GSKIP: variants seen among roughly 807,000 people sequenced by gnomAD.
GSKIP encodes GSK3B interacting protein.
In GSKIP, 5 loss-of-function variants were observed where a neutral mutation model predicts 11.9. That is an observed-to-expected ratio of 0.42 (90% CI 0.22 to 0.89). The LOEUF is 0.89. Among genes scored for constraint, GSKIP ranks in the 40% least tolerant of loss-of-function variants. The pLI, the probability that GSKIP is intolerant of heterozygous loss-of-function variation, is 0.29. For missense variants in GSKIP, 150 were observed against 166.6 expected (o/e 0.90, Z 0.55); for synonymous variants, 70 against 62.9 (o/e 1.11, Z -0.54).
At chr14:96,380,858 G>A (rs965121699) in intron 2 of GSKIP, among the ~76,000 whole-genome samples, 4 of 152,196 alleles carry the variant, frequency 2.6e-5, no homozygotes, top group Non-Finnish European at 5.9e-5. Context: ...GGGCAACATG[G>A]TGAGACCTTG....
chr14:96,381,322 T>C (rs940874396), intron 2 of GSKIP, among the ~76,000 whole-genome samples: 3 of 152,306 alleles, frequency 2.0e-5, no homozygotes, highest in Non-Finnish European at 4.4e-5. Flanking sequence ...AACATTTGGG[T>C]CAGTTCAAAT....
chr14:96,381,622 A>G (rs1889345686), intron 2 of GSKIP, among the ~76,000 whole-genome samples: 1 of 152,224 alleles, frequency 6.6e-6, no homozygotes, highest in Admixed American at 6.5e-5. Context: ...TTGCAACTGT[A>G]TGATCTTAGA....
chr14:96,363,763 G>A (rs962709982), intron 1 of GSKIP, 195 bp downstream of exon 1: 1 of 152,320 alleles, frequency 6.6e-6, no homozygotes, highest in Non-Finnish European at 1.5e-5. Context: ...TGGCCGGCCT[G>A]GCTCTCCCGG....
intron 1 of GSKIP, among the ~76,000 whole-genome samples, chr14:96,372,550 A>C (rs1889076621): frequency 6.6e-6 from 1 of 152,258 alleles, no homozygotes; most frequent in Admixed American, 6.5e-5. Flanking sequence ...CATGGATCTC[A>C]TAAAACATAT....
chr14:96,374,923 CATATAAA>C (rs1889154998), intron 1 of GSKIP, among the ~76,000 whole-genome samples: 1 of 151,710 alleles, frequency 6.6e-6, no homozygotes, highest in Non-Finnish European at 1.5e-5. Context: ...TTATATATTA[CATATAAA>C]AAGACTTATC....
chr14:96,378,484 C>T (rs1309523710), intron 1 of GSKIP, among the ~76,000 whole-genome samples: 1 of 152,162 alleles, frequency 6.6e-6, no homozygotes, highest in Non-Finnish European at 1.5e-5. Flanking sequence ...CTTCCTGAAG[C>T]CTCTAGAAGG....
chr14:96,386,046 A>C lies in GSKIP; in HGVS notation c.*362A>C, dbSNP rs1169364015. Reference sequence around the variant, plus strand: ...GCACAGTAATAGAGGAATTAGAAGTACCTAACTATACACTTTGATTCAGCC... The same window carrying C: ...GCACAGTAATAGAGGAATTAGAAGTCCCTAACTATACACTTTGATTCAGCC... On this transcript the variant is annotated 3_prime_UTR_variant, in exon 4 of 4. Coordinates refer to ENST00000555181, the MANE Select transcript of GSKIP (RefSeq NM_016472.5). The C allele has an allele frequency of 6.3e-6, 1 of 159,854 alleles. No homozygotes were observed. The highest frequency in any genetic ancestry group is 1.8e-4 in the East Asian group (1 of 5,438). 9.9% of individuals were successfully genotyped at this position (159,854 alleles called of 1,614,324 possible). A position where few individuals can be genotyped will look rare whatever the true frequency, so the allele number is the denominator to read the frequency against.
chr14:96,384,171 T>G (rs1374503718), intron 3 of GSKIP, among the ~76,000 whole-genome samples: 1 of 152,218 alleles, frequency 6.6e-6, no homozygotes, highest in African/African-American at 2.4e-5. Context: ...TGTTTTTCAG[T>G]CTGATTCAGT....
intron 1 of GSKIP, chr14:96,364,967 C>G (rs1054242145): frequency 2.7e-5 from 4 of 149,134 alleles, no homozygotes; most frequent in African/African-American, 7.3e-5. Context: ...CACTGCACTC[C>G]AGCCTGAACC....
intron 1 of GSKIP, among the ~76,000 whole-genome samples, chr14:96,368,273 A>G (rs1445155697): frequency 6.7e-6 from 1 of 150,020 alleles, no homozygotes; most frequent in Non-Finnish European, 1.5e-5. Context: ...TCAACCTCCC[A>G]GGTTCAACCG....
At chr14:96,367,278 C>A (rs541634837) in intron 1 of GSKIP, among the ~76,000 whole-genome samples, 6 of 152,072 alleles carry the variant, frequency 3.9e-5, no homozygotes, top group South Asian at 2.1e-4. Flanking sequence ...ATTAAAACAT[C>A]TTTTTCCAAG....
At chr14:96,374,935 CTT>C (rs1382170541) in intron 1 of GSKIP, among the ~76,000 whole-genome samples, 4 of 151,702 alleles carry the variant, frequency 2.6e-5, no homozygotes, top group African/African-American at 9.7e-5. Context: ...TATAAAAAGA[CTT>C]ATCTAATCTC....
chr14:96,382,497 G>A lies in GSKIP; in HGVS notation c.250G>A (p.Gly84Arg). 1 of 1,609,102 alleles carries A rather than the reference G, an allele frequency of 6.2e-7. No homozygotes were observed. The highest frequency in any genetic ancestry group is 1.1e-5 in the South Asian group (1 of 90,510). The change falls in exon 3 of 4, where the codon GGG (glycine) becomes AGG (arginine). Residue 84 changes from glycine (G) to arginine (R), a missense_variant. Gly to Arg is a moderately radical substitution (Grantham distance 125, BLOSUM62 -2). Coordinates refer to ENST00000555181, the MANE Select transcript of GSKIP (RefSeq NM_016472.5). ...ATATTGCCTAGAACTCACTGAAGCA[G>A]GGCTCAAGGTAACTCACTTTTCCTT... ...NRYCLELTEA[G>R]LKVVGYAFDQ... is the part of the protein sequence containing the mutation.
chr14:96,386,402 A>G lies in GSKIP; in HGVS notation c.*718A>G, dbSNP rs1889491656. 1 of 152,628 alleles carries G rather than the reference A, an allele frequency of 6.6e-6. No individual in the cohort carries two copies. Among genetic ancestry groups the G allele is most frequent in the Non-Finnish European group, 1.5e-5 (1 of 68,034 alleles). 9.5% of individuals were successfully genotyped at this position (152,628 alleles called of 1,614,324 possible). ...ATCTAAGCACATAAGCAAATACAGG[A>G]ACAGACTTCATTCTTTTTCTTAACA... is the stretch of plus-strand genomic sequence containing the variant. On this transcript the variant is annotated 3_prime_UTR_variant, in exon 4 of 4. Transcript: ENST00000555181.
intron 1 of GSKIP, among the ~76,000 whole-genome samples, chr14:96,366,000 T>C (rs1047974553): frequency 1.3e-5 from 2 of 152,038 alleles, no homozygotes; most frequent in African/African-American, 2.4e-5. Context: ...GTTAGAAGGA[T>C]ATCACCGTAA....
intron 3 of GSKIP, 120 bp from the exon 4 acceptor site, chr14:96,385,403 G>T: frequency 1.4e-6 from 1 of 714,324 alleles, no homozygotes; most frequent in Non-Finnish European, 2.3e-6. Context: ...TGGTGGTCTA[G>T]TGGCTAGGAA....
At chr14:96,376,558 T>A (rs1879176383) in intron 1 of GSKIP, among the ~76,000 whole-genome samples, 2 of 152,202 alleles carry the variant, frequency 1.3e-5, no homozygotes, top group African/African-American at 4.8e-5. Flanking sequence ...GAGACCTCCG[T>A]AAGACCAATG....
At position 96,380,192 on chromosome 14, in the gene GSKIP, G is replaced by A. The variant is rs1042512197; in HGVS notation, c.-2+404G>A. On this transcript the variant is annotated intron_variant, in intron 2 of 3. Transcript: ENST00000555181. ...ATAATTAACTTCTGTTGTTTGTAGC[G>A]AGTGACTAATTCTGTAAAGTGCTGT... 4.6e-5 allele frequency: 7 copies of A among 152,144 alleles called. No individual in the cohort carries two copies. In the East Asian group the frequency reaches 5.8e-4, roughly 13 times the overall value. 9.4% of individuals were successfully genotyped at this position (152,144 alleles called of 1,614,324 possible).
At chr14:96,367,041 A>G (rs1888906505) in intron 1 of GSKIP, among the ~76,000 whole-genome samples, 1 of 152,230 alleles carries the variant, frequency 6.6e-6, no homozygotes, top group Non-Finnish European at 1.5e-5. Context: ...CATAATGTAA[A>G]GAGCACCTAA....
Sources: allele counts gnomAD v4.1 joint callset (sites outside exome capture counted in the v4.1 genomes callset), GRCh38; gene constraint gnomAD v4.1.1; transcripts MANE v1.5; gene names NCBI Gene and HGNC (gene_info 2026-07-23, HGNC 2026-07-21).